Variants in ELF4 observed in about 807,000 individuals in gnomAD.
The protein encoded by ELF4 is E74 like ETS transcription factor 4.
In ELF4, 10 loss-of-function variants were observed where a neutral mutation model predicts 31.7. The observed-to-expected ratio is 0.32, with a 90% CI of 0.19 to 0.54. The LOEUF (loss-of-function observed/expected upper bound fraction) is 0.54. Ranked by LOEUF, ELF4 falls within the 20% of genes least tolerant of loss-of-function variation. ELF4 has a pLI of 0.95. For missense variants in ELF4, 418 were observed against 522.0 expected (o/e 0.80, Z 1.94); for synonymous variants, 208 against 226.7 (o/e 0.92, Z 0.74).
intron 1 of ELF4, among the ~76,000 whole-genome samples, chrX:130,095,486 A>G (rs779457880): frequency 2.3e-4 from 26 of 111,767 alleles, no homozygotes; most frequent in Non-Finnish European, 3.2e-4. Context: ...ACCATCTGCT[A>G]GGATCCCTAG....
chrX:130,067,029 G>A lies in ELF4; in HGVS notation c.1684C>T (p.Pro562Ser). The stretch of plus-strand genomic sequence containing the variant: ...AGGAGCTCCCTCAGGGTCTCTTCAG[G>A]AACCAGCAGCCCCTCCATGGGGGCC... ...TGAPMEGLLVPEETLRELLRD... is the reference protein window; with the variant it reads ...TGAPMEGLLVSEETLRELLRD... The change falls in exon 9 of 9, where the codon CCT becomes TCT. Residue 562 changes from proline (P) to serine (S), a missense_variant. Around this residue, in one of 4 missense-constraint regions of ELF4, gnomAD observed 260 missense variants for 269.2 expected, o/e 0.97. Coordinates refer to ENST00000308167, the MANE Select transcript of ELF4 (RefSeq NM_001421.4). 8.2e-7 allele frequency: 1 copy of A among 1,212,296 alleles called. No individual in the cohort carries two copies.
chrX:130,066,734 G>C lies in ELF4; in HGVS notation c.1979C>G (p.Pro660Arg), dbSNP rs781198298. Residue 660 changes from proline (P) to arginine (R), a missense_variant, in exon 9 of 9, where the codon CCC becomes CGC. Transcript: ENST00000308167. ...TGACCCCTTTGCTTATATGTCATGG[G>C]GCTCCATCTTAATGAGGGAAGTAGG... ...FNPTSLIKME[P>R]HDI The C allele has an allele frequency of 1.7e-6, 2 of 1,210,263 alleles. No homozygotes were observed. Among genetic ancestry groups the C allele is most frequent in the South Asian group, 3.5e-5 (2 of 56,874 alleles).
At chrX:130,102,952 AAGGGAGGG>A (rs1164110030) in intron 1 of ELF4, among the ~76,000 whole-genome samples, 32 of 49,481 alleles carry the variant, frequency 6.5e-4, no homozygotes, top group African/African-American at 3.5e-3. Context: ...GGAAGGAAGG[AAGGGAGGG>A]AGGAAGGAAG....
intron 1 of ELF4, among the ~76,000 whole-genome samples, chrX:130,100,858 T>G (rs984128683): frequency 3.6e-5 from 4 of 112,292 alleles, no homozygotes; most frequent in African/African-American, 9.7e-5. Context: ...ACCTAAATTC[T>G]CAACAAGAGT....
chrX:130,067,835 C>T (rs370951968), intron 8 of ELF4, among the ~76,000 whole-genome samples: 1 of 108,184 alleles, frequency 9.2e-6, no homozygotes, highest in Non-Finnish European at 1.9e-5. Context: ...TTTTTTGAGA[C>T]GGAGTCTTGC....
At chrX:130,078,762 T>TCTACACAC (rs1245337715) in intron 2 of ELF4, among the ~76,000 whole-genome samples, 2 of 84,886 alleles carry the variant, frequency 2.4e-5, no homozygotes, top group Non-Finnish European at 4.6e-5. Flanking sequence ...TCTCTCTCTC[T>TCTACACAC]ACACACACAC....
In ELF4 at chrX:130,081,703, A is replaced by C. The variant is rs10126796; in HGVS notation, c.-209-164T>G. Among the ~76,000 whole-genome samples, 967 of 112,356 alleles carry C rather than the reference A, an allele frequency of 8.6e-3. 12 individuals are homozygous for C. Among genetic ancestry groups the C allele is most frequent in the African/African-American group, 0.03 (923 of 30,959 alleles). On this transcript the variant is annotated intron_variant, in intron 1 of 8. Transcript: ENST00000308167. The stretch of plus-strand genomic sequence containing the variant: ...TGAGAGAAGAAAAGCGACAGAGAAG[A>C]AAGAGGTCAGGGAAAGAAAGAAGGA...
chrX:130,081,643 C>T, intron 1 of ELF4, 104 bp from the exon 2 acceptor site: 1 of 357,621 alleles, frequency 2.8e-6, no homozygotes, highest in Non-Finnish European at 5.0e-6. Flanking sequence ...CTAAGGCAGA[C>T]TGCCAATAGA....
Position 130,067,424 on chromosome X carries a change from T to C in ELF4, c.1289A>G (p.Asn430Ser), listed in dbSNP as rs994623588. 5.0e-6 allele frequency: 6 copies of C among 1,210,243 alleles called. No individual in the cohort carries two copies. The highest frequency in any genetic ancestry group is 3.5e-5 in the African/African-American group (2 of 57,239). Residue 430 changes from asparagine (N) to serine (S), a missense_variant, in exon 9 of 9, where the codon AAT becomes AGT. Asn to Ser is a conservative substitution (Grantham distance 46). Around this residue, in one of 4 missense-constraint regions of ELF4, gnomAD observed 260 missense variants for 269.2 expected, o/e 0.97. Coordinates refer to ENST00000308167, the MANE Select transcript of ELF4 (RefSeq NM_001421.4). ...QTIPLTTVLT[N>S]GPPASTTAPT... ...AGCAGTAGTACTGGCAGGAGGCCCA[T>C]TGGTCAGCACCGTGGTCAGTGGGAT...
rs751469344 is a variant in ELF4 at position 130,096,245 on chromosome X, C to T, written c.-210+14080G>A. On this transcript the variant is annotated intron_variant, in intron 1 of 8. Transcript: ENST00000308167. ...TCGCCCAGGCTGGAGTGCAGTAGCA[C>T]GATCTCAGCTCACAGTAACCTCTGC... Among the ~76,000 whole-genome samples the T allele has an allele frequency of 2.7e-5, 3 of 110,971 alleles. No individual in the cohort carries two copies. The South Asian group carries it at 1.1e-3, about 42-fold the overall frequency.
At chrX:130,092,616 T>C (rs1569408138) in intron 1 of ELF4, among the ~76,000 whole-genome samples, 1 of 111,570 alleles carries the variant, frequency 9.0e-6, no homozygotes, top group East Asian at 2.8e-4. Context: ...CCTTGAGGGG[T>C]GGAGTGAGCC....
At chrX:130,071,840 A>G (rs771784622) in intron 5 of ELF4, among the ~76,000 whole-genome samples, 14 of 112,062 alleles carry the variant, frequency 1.2e-4, no homozygotes, top group African/African-American at 4.5e-4. Flanking sequence ...CCTCTCTCAT[A>G]TATGGCCTCG....
intron 2 of ELF4, among the ~76,000 whole-genome samples, chrX:130,076,212 A>G (rs1001727872): frequency 1.8e-5 from 2 of 111,392 alleles, no homozygotes; most frequent in African/African-American, 6.5e-5. Flanking sequence ...GTATGACTGC[A>G]TGTGTTTTTT....
upstream of ELF4, among the ~76,000 whole-genome samples, chrX:130,111,556 G>C (rs770361365): frequency 4.4e-4 from 50 of 112,565 alleles, no homozygotes; most frequent in Non-Finnish European, 7.7e-4. Context: ...GGTGACTGGA[G>C]AGTTTCGGCG....
intron 1 of ELF4, among the ~76,000 whole-genome samples, chrX:130,085,631 C>T (rs1481285078): frequency 4.5e-5 from 5 of 112,000 alleles, no homozygotes; most frequent in Non-Finnish European, 7.5e-5. Context: ...GTGGCATTTT[C>T]GCACATGCCA....
At position 130,067,235 on chromosome X, in the gene ELF4, G is replaced by A; in HGVS notation, c.1478C>T (p.Ala493Val). 8.3e-7 allele frequency: 1 copy of A among 1,212,064 alleles called. No homozygotes were observed. The highest frequency in any genetic ancestry group is 1.8e-5 in the South Asian group (1 of 57,039). Residue 493 changes from alanine (A) to valine (V), a missense_variant, in exon 9 of 9, where the codon GCC (alanine) becomes GTC (valine). Physicochemically the swap from Ala to Val is moderately conservative, Grantham distance 64 (BLOSUM62 0). This residue lies in a region of ELF4 where 260 missense variants were observed against 269.2 expected (regional missense o/e 0.97). Coordinates refer to ENST00000308167, the MANE Select transcript of ELF4 (RefSeq NM_001421.4). ...LSGLPQLLAGANRPTNPAPPT... is the reference protein window; with the variant it reads ...LSGLPQLLAGVNRPTNPAPPT... Reference sequence around the variant, plus strand: ...TGGCGCCGGGTTGGTCGGACGGTTGGCCCCAGCCAGAAGTTGGGGGAGGCC... The same window carrying A: ...TGGCGCCGGGTTGGTCGGACGGTTGACCCCAGCCAGAAGTTGGGGGAGGCC...
intron 1 of ELF4, among the ~76,000 whole-genome samples, chrX:130,104,430 G>T (rs774945524): frequency 4.5e-5 from 5 of 111,033 alleles, no homozygotes; most frequent in African/African-American, 6.6e-5. Flanking sequence ...TGCCCTGCCC[G>T]CATTGCCGAA....
chrX:130,073,756 C>T (rs905075172), intron 4 of ELF4, among the ~76,000 whole-genome samples: 1 of 112,351 alleles, frequency 8.9e-6, no homozygotes. Flanking sequence ...AGGTGACCCA[C>T]CCGCCTCAGC....
intron 1 of ELF4, among the ~76,000 whole-genome samples, chrX:130,109,270 G>A (rs1325232611): frequency 1.8e-5 from 2 of 112,100 alleles, no homozygotes; most frequent in Non-Finnish European, 3.8e-5. Context: ...CCTCACTTCC[G>A]CTCCTACCTC....
Sources: allele counts gnomAD v4.1 joint callset (sites outside exome capture counted in the v4.1 genomes callset), GRCh38; gene constraint gnomAD v4.1.1; regional missense constraint gnomAD v4.1.1; transcripts MANE v1.5; gene names NCBI Gene and HGNC (gene_info 2026-07-23, HGNC 2026-07-21).